Variants in KIRREL3 observed in about 807,000 individuals in gnomAD.
KIRREL3 encodes kirre like nephrin family adhesion molecule 3, also known as kin of IRRE-like protein 3.
KIRREL3 carries 36 observed loss-of-function variants against 89.7 expected under a neutral mutation model. That is an observed-to-expected ratio of 0.40 (90% CI 0.31 to 0.53). The LOEUF (loss-of-function observed/expected upper bound fraction) is 0.53, where lower values mean the gene tolerates loss of function less well. KIRREL3 is among the 20% of genes least tolerant of loss of function. KIRREL3 has a pLI of 0.49. For synonymous variants in KIRREL3, 445 were observed against 441.4 expected (o/e 1.01, Z -0.10); for missense variants, 864 against 1,056.6 (o/e 0.82, Z 2.53).
In KIRREL3 at chr11:126,576,496, T is replaced by C. The variant is rs1243502121; in HGVS notation, c.56-13584A>G. Among the ~76,000 whole-genome samples, 1 of 152,200 alleles carries C rather than the reference T, an allele frequency of 6.6e-6. No individual in the cohort carries two copies. Among genetic ancestry groups the C allele is most frequent in the Non-Finnish European group, 1.5e-5 (1 of 68,030 alleles). ...TCCATTTTAGACAGCTTCTATGTAG[T>C]TCCTTTCCCTTACACGTAATTTAGA... On this transcript the variant is annotated intron_variant, in intron 1 of 16. Transcript: ENST00000525144. This position sits in a 1 kb window ranked among gnomAD's most constrained non-coding sequence, Gnocchi z 5.4.
intron 1 of KIRREL3, among the ~76,000 whole-genome samples, chr11:126,850,397 G>T (rs529062346): frequency 6.6e-6 from 1 of 152,198 alleles, no homozygotes; most frequent in Non-Finnish European, 1.5e-5. Context: ...CAGTGCTTGC[G>T]AGTGAGCTGC....
rs144137043 is a variant in KIRREL3 at position 126,830,156 on chromosome 11, G to A, written c.55+170299C>T. 6.6e-6 allele frequency among the ~76,000 whole-genome samples: 1 copy of A among 152,180 alleles called. No homozygotes were observed. Among genetic ancestry groups the A allele is most frequent in the African/African-American group, 2.4e-5 (1 of 41,440 alleles). ...AATCACATCGCTGGCTTACCTGGAA[G>A]TTGTTCATGAATGAACAACCCTTGC... is the stretch of plus-strand genomic sequence containing the variant. On this transcript the variant is annotated intron_variant, in intron 1 of 16. Coordinates refer to ENST00000525144, the MANE Select transcript of KIRREL3 (RefSeq NM_032531.4). The surrounding 1 kb of genome is among the most constrained non-coding windows in gnomAD (Gnocchi z 4.9).
intron 1 of KIRREL3, among the ~76,000 whole-genome samples, chr11:126,701,061 A>G (rs1199314308): frequency 6.6e-6 from 1 of 152,254 alleles, no homozygotes; most frequent in African/African-American, 2.4e-5. Flanking sequence ...GTCTCTTTGC[A>G]GAAACCACAC....
Position 126,994,738 on chromosome 11 carries a change from G to A in KIRREL3, c.55+5717C>T, listed in dbSNP as rs191876563. Reference sequence around the variant, plus strand: ...TGAAAGTTAACGTGCAGTAGGGGGAGGTTCAATGGGGGAGAAGATCCCCCA... The same window carrying A: ...TGAAAGTTAACGTGCAGTAGGGGGAAGTTCAATGGGGGAGAAGATCCCCCA... On this transcript the variant is annotated intron_variant, in intron 1 of 16. Coordinates refer to ENST00000525144, the MANE Select transcript of KIRREL3 (RefSeq NM_032531.4). This position sits in a 1 kb window ranked among gnomAD's most constrained non-coding sequence, Gnocchi z 5.2. 5.3e-5 allele frequency among the ~76,000 whole-genome samples: 8 copies of A among 152,288 alleles called. No homozygotes were observed. The East Asian group carries it at 1.2e-3, about 22-fold the overall frequency.
chr11:126,464,345 CAAAAAAA>C (rs59100386), intron 5 of KIRREL3, among the ~76,000 whole-genome samples: 4 of 94,900 alleles, frequency 4.2e-5, no homozygotes, highest in Non-Finnish European at 6.0e-5. Flanking sequence ...CTGTCACTAC[CAAAAAAA>C]AAAAAAAAAA....
At chr11:126,632,644 A>G (rs374315199) in intron 1 of KIRREL3, among the ~76,000 whole-genome samples, 8 of 18,862 alleles carry the variant, frequency 4.2e-4, no homozygotes, top group Non-Finnish European at 1.1e-3. Context: ...CGGAGCGTTT[A>G]CTTTCTTGTC....
Position 126,528,733 on chromosome 11 carries a change from G to A in KIRREL3, c.134-2046C>T, listed in dbSNP as rs1958843997. 6.6e-6 allele frequency among the ~76,000 whole-genome samples: 1 copy of A among 151,654 alleles called. No homozygotes were observed. The highest frequency in any genetic ancestry group is 2.4e-5 in the African/African-American group (1 of 41,216). On this transcript the variant is annotated intron_variant, in intron 2 of 16. Coordinates refer to ENST00000525144, the MANE Select transcript of KIRREL3 (RefSeq NM_032531.4). The surrounding 1 kb of genome is among the most constrained non-coding windows in gnomAD (Gnocchi z 4.6). ...GAAAAGGAGGGAAGAGATGAGAGAG[G>A]AGAAGGGGAGAGGAGGGAGGGACTG...
In KIRREL3 at chr11:126,432,114, G is replaced by A. The variant is rs1233826555; in HGVS notation, c.1589-588C>T. 6.6e-6 allele frequency among the ~76,000 whole-genome samples: 1 copy of A among 152,104 alleles called. No homozygotes were observed. ...AGGTGTCCAAGTCTCAGGGTCCAGG[G>A]AGCAGGGTTACAGCTTCTCCACTGC... On this transcript the variant is annotated intron_variant, in intron 13 of 16. Coordinates refer to ENST00000525144, the MANE Select transcript of KIRREL3 (RefSeq NM_032531.4). The surrounding 1 kb of genome is among the most constrained non-coding windows in gnomAD (Gnocchi z 6.2).
chr11:126,456,306 G>C lies in KIRREL3; in HGVS notation c.848+43C>G, dbSNP rs758829570. ...ATCCCACGTGAGAGGCACGGGGGTGGGGGCCAGTGGCCAGGCCGGGCCCCC... is the reference window on the plus strand; with the variant it reads ...ATCCCACGTGAGAGGCACGGGGGTGCGGGCCAGTGGCCAGGCCGGGCCCCC... On this transcript the variant is annotated intron_variant, in intron 7 of 16. Transcript: ENST00000525144. 2.1e-4 allele frequency: 285 copies of C among 1,357,970 alleles called. No individual in the cohort carries two copies. In the Middle Eastern group the frequency reaches 3.8e-3, roughly 18 times the overall value. 84.1% of individuals were successfully genotyped at this position (1,357,970 alleles called of 1,614,324 possible). A position where few individuals can be genotyped will look rare whatever the true frequency, so the allele number is the denominator to read the frequency against.
At position 126,431,403 on chromosome 11, in the gene KIRREL3, G is replaced by T. The variant is rs746814297; in HGVS notation, c.1696+16C>A. ...CTCTGTCCCCCTCCCTGAGATCCCGGATCTCCCTCCCGTACTTCTCTGGGA... is the reference window on the plus strand; with the variant it reads ...CTCTGTCCCCCTCCCTGAGATCCCGTATCTCCCTCCCGTACTTCTCTGGGA... On this transcript the variant is annotated intron_variant, in intron 14 of 16. Transcript: ENST00000525144. The surrounding 1 kb of genome is among the most constrained non-coding windows in gnomAD (Gnocchi z 7.1). 1 of 1,613,834 alleles carries T rather than the reference G, an allele frequency of 6.2e-7. No homozygotes were observed. Among genetic ancestry groups the T allele is most frequent in the Non-Finnish European group, 8.5e-7 (1 of 1,179,838 alleles).
chr11:126,946,388 C>A lies in KIRREL3; in HGVS notation c.55+54067G>T, dbSNP rs1452246794. Reference sequence around the variant, plus strand: ...GGTTTGGTCCTCATGCATTGGATCACCTTACTCAAACCACCTTGGCCTCAG... The same window carrying A: ...GGTTTGGTCCTCATGCATTGGATCAACTTACTCAAACCACCTTGGCCTCAG... On this transcript the variant is annotated intron_variant, in intron 1 of 16. Transcript: ENST00000525144. This position sits in a 1 kb window ranked among gnomAD's most constrained non-coding sequence, Gnocchi z 4.1. Among the ~76,000 whole-genome samples, 1 of 152,122 alleles carries A rather than the reference C, an allele frequency of 6.6e-6. No individual in the cohort carries two copies. Among genetic ancestry groups the A allele is most frequent in the Non-Finnish European group, 1.5e-5 (1 of 68,028 alleles).
chr11:126,923,947 C>T (rs1947584651), intron 1 of KIRREL3, among the ~76,000 whole-genome samples: 1 of 152,210 alleles, frequency 6.6e-6, no homozygotes, highest in African/African-American at 2.4e-5. Context: ...TTCTTTTCTT[C>T]ACATGATCCT....
chr11:126,645,207 G>A lies in KIRREL3; in HGVS notation c.56-82295C>T, dbSNP rs962291041. 2.6e-5 allele frequency among the ~76,000 whole-genome samples: 4 copies of A among 152,214 alleles called. No homozygotes were observed. Among genetic ancestry groups the A allele is most frequent in the Non-Finnish European group, 5.9e-5 (4 of 68,038 alleles). On this transcript the variant is annotated intron_variant, in intron 1 of 16. Transcript: ENST00000525144. The surrounding 1 kb of genome is among the most constrained non-coding windows in gnomAD (Gnocchi z 4.9). ...AAGTGAAGGGATGCAGACTGACATC[G>A]TAACAATTCAAATGCTAATGAAATA...
At chr11:126,746,427 T>C (rs1949152680) in intron 1 of KIRREL3, among the ~76,000 whole-genome samples, 1 of 152,112 alleles carries the variant, frequency 6.6e-6, no homozygotes. Flanking sequence ...ACATTGAGAC[T>C]CCCTAATTCA....
At chr11:126,835,744 G>A (rs981402324) in intron 1 of KIRREL3, among the ~76,000 whole-genome samples, 1 of 152,190 alleles carries the variant, frequency 6.6e-6, no homozygotes, top group Non-Finnish European at 1.5e-5. Flanking sequence ...AAGAGGTCTG[G>A]CTTTTGCCAG....
Position 126,537,545 on chromosome 11 carries a change from T to C in KIRREL3, c.134-10858A>G, listed in dbSNP as rs605859. 0.6 allele frequency among the ~76,000 whole-genome samples: 91,342 copies of C among 151,894 alleles called. 28,038 individuals are homozygous for C. The highest frequency in any genetic ancestry group is 0.94 in the East Asian group (4,854 of 5,156). On this transcript the variant is annotated intron_variant, in intron 2 of 16. Transcript: ENST00000525144. The surrounding 1 kb of genome is among the most constrained non-coding windows in gnomAD (Gnocchi z 4.3). The stretch of plus-strand genomic sequence containing the variant: ...AAAACATGAGTGATGGGTCACCCTC[T>C]GTCACCTGCCTGGAGTACCTAACCG...
At chr11:126,712,471 C>T (rs1947800664) in intron 1 of KIRREL3, among the ~76,000 whole-genome samples, 1 of 152,226 alleles carries the variant, frequency 6.6e-6, no homozygotes, top group South Asian at 2.1e-4. Context: ...CCTGCTCCAC[C>T]TCGCCCGTCC....
Position 126,431,634 on chromosome 11 carries a change from C to A in KIRREL3, c.1589-108G>T. The A allele has an allele frequency of 8.9e-7, 1 of 1,121,596 alleles. No individual in the cohort carries two copies. The highest frequency in any genetic ancestry group is 1.3e-6 in the Non-Finnish European group (1 of 781,706). The allele number at this position is 1,121,596 out of a possible 1,614,324, so 69.5% of individuals were successfully genotyped here. A position where few individuals can be genotyped will look rare whatever the true frequency, so the allele number is the denominator to read the frequency against. On this transcript the variant is annotated intron_variant, in intron 13 of 16. Transcript: ENST00000525144. This position sits in a 1 kb window ranked among gnomAD's most constrained non-coding sequence, Gnocchi z 7.1. ...GGCAGCCCCTGCCACATGGGGCCCT[C>A]CTGGGAAATGCCTCAGTGGGGCCTG...
At position 126,978,842 on chromosome 11, in the gene KIRREL3, GA is replaced by G. The variant is rs2135240337; in HGVS notation, c.55+21612del. 6.6e-6 allele frequency among the ~76,000 whole-genome samples: 1 copy of G among 152,260 alleles called. No homozygotes were observed. The highest frequency in any genetic ancestry group is 1.5e-5 in the Non-Finnish European group (1 of 68,028). ...TGGGTCCCTACCTCTCTGCACCCGG[GA>G]TGCTTATTCTCTTACCTGGCTTCCC... On this transcript the variant is annotated intron_variant, in intron 1 of 16. Transcript: ENST00000525144. This position sits in a 1 kb window ranked among gnomAD's most constrained non-coding sequence, Gnocchi z 4.2.
Sources: allele counts gnomAD v4.1 joint callset (sites outside exome capture counted in the v4.1 genomes callset), GRCh38; gene constraint gnomAD v4.1.1; non-coding constraint Gnocchi (gnomAD v3.1); transcripts MANE v1.5; gene names NCBI Gene and HGNC (gene_info 2026-07-23, HGNC 2026-07-21).